Variants in STAT3 observed in about 807,000 individuals in gnomAD.
STAT3 encodes the protein DNA-binding protein APRF.
In STAT3, 7 loss-of-function variants were observed where a neutral mutation model predicts 114.3. That is an observed-to-expected ratio of 0.06 (90% CI 0.03 to 0.11). The LOEUF (loss-of-function observed/expected upper bound fraction) is 0.11. Among genes scored for constraint, STAT3 ranks in the 10% least tolerant of loss-of-function variants. The probability of loss-of-function intolerance (pLI) is 1.00; values close to 1 mark genes in which losing one functional copy is unlikely to be tolerated. For missense variants in STAT3, 364 were observed against 960.9 expected, an observed-to-expected ratio of 0.38 and a Z score of 8.21; for synonymous variants, 331 against 354.5, an observed-to-expected ratio of 0.93 and a Z score of 0.74.
At chr17:42,316,119 C>A (rs2081238611) in intron 23 of STAT3, 2 of 1,300,560 alleles carry the variant, frequency 1.5e-6, no homozygotes, top group South Asian at 3.5e-5. Context: ...GGCCACCAAG[C>A]ATTTGAGATT....
intron 18 of STAT3, 60 bp downstream of exon 18, chr17:42,323,513 C>T: frequency 1.3e-6 from 2 of 1,598,088 alleles, no homozygotes; most frequent in East Asian, 2.2e-5. Context: ...CCAGAGCCCT[C>T]AACGACAGCC....
chr17:42,376,545 C>CAAA (rs766215172), intron 1 of STAT3, among the ~76,000 whole-genome samples: 1 of 69,136 alleles, frequency 1.4e-5, no homozygotes, highest in South Asian at 4.9e-4. Flanking sequence ...GACTCCATCT[C>CAAA]AAAAAAAAAA....
intron 10 of STAT3, among the ~76,000 whole-genome samples, chr17:42,332,911 G>A (rs1247073066): frequency 6.6e-6 from 1 of 152,078 alleles, no homozygotes; most frequent in African/African-American, 2.4e-5. Flanking sequence ...TGAGGCACAA[G>A]AATCACTTGA....
At chr17:42,371,537 G>A (rs188926829) in intron 1 of STAT3, among the ~76,000 whole-genome samples, 492 of 151,260 alleles carry the variant, frequency 3.3e-3, no homozygotes, top group African/African-American at 0.011. Flanking sequence ...TTAGCCAGGC[G>A]TAGTGGCGGG....
intron 18 of STAT3, 31 bp from the exon 19 acceptor site, chr17:42,323,385 C>G (rs375626910): frequency 5.0e-6 from 8 of 1,610,570 alleles, no homozygotes; most frequent in Non-Finnish European, 6.8e-6. Context: ...AAAGCCAAGT[C>G]TACTGCCATC....
In STAT3 at chr17:42,327,033, C is replaced by T. The variant is rs116567862; in HGVS notation, c.1282-834G>A. 8.9e-3 allele frequency among the ~76,000 whole-genome samples: 1,349 copies of T among 152,264 alleles called. 23 individuals carry two copies. Among genetic ancestry groups the T allele is most frequent in the African/African-American group, 0.031 (1,302 of 41,536 alleles). ...CAAGAACTTCCAATGCTGTGATCCT[C>T]AACCTAATCCTTTACTCAGTTTGTA... On this transcript the variant is annotated intron_variant, in intron 14 of 23. Transcript: ENST00000264657.
rs1598391668 is a variant in STAT3, at chr17:42,322,160, C to T, written c.2101+122G>A. The T allele has an allele frequency of 5.3e-6, 5 of 945,266 alleles. No homozygotes were observed. In the East Asian group the frequency reaches 1.3e-4, roughly 24 times the overall value. 58.6% of individuals were successfully genotyped at this position (945,266 alleles called of 1,614,324 possible). A position where few individuals can be genotyped will look rare whatever the true frequency, so the allele number is the denominator to read the frequency against. On this transcript the variant is annotated intron_variant, in intron 21 of 23. Transcript: ENST00000264657. ...ACAAAAGCACTCACTACAATTCTTT[C>T]CCATAAGGAGAAATAATTATCCCCC...
intron 1 of STAT3, among the ~76,000 whole-genome samples, chr17:42,350,179 A>AACAC (rs1385660232): frequency 6.6e-6 from 1 of 152,212 alleles, no homozygotes; most frequent in African/African-American, 2.4e-5. Context: ...TGAGAGACTG[A>AACAC]ACACACGCAA....
chr17:42,369,562 T>A (rs994165869), intron 1 of STAT3, among the ~76,000 whole-genome samples: 1 of 152,320 alleles, frequency 6.6e-6, no homozygotes, highest in East Asian at 1.9e-4. Context: ...TGCTTTTCAA[T>A]GCTTTACCCT....
intron 1 of STAT3, among the ~76,000 whole-genome samples, chr17:42,377,344 G>A (rs992898921): frequency 3.9e-5 from 6 of 152,160 alleles, no homozygotes; most frequent in East Asian, 1.9e-4. Flanking sequence ...ACAGCCTCCC[G>A]AGTAGCTGGG....
intron 4 of STAT3, among the ~76,000 whole-genome samples, chr17:42,342,587 C>T (rs185386256): frequency 6.6e-6 from 1 of 152,012 alleles, no homozygotes; most frequent in African/African-American, 2.4e-5. Flanking sequence ...AATTATTTTG[C>T]ATTTATGTGT....
chr17:42,320,550 C>T (rs771119431), intron 21 of STAT3, among the ~76,000 whole-genome samples: 1 of 151,678 alleles, frequency 6.6e-6, no homozygotes, highest in Non-Finnish European at 1.5e-5. Context: ...GCCAACATGG[C>T]GAAACCCTTT....
intron 1 of STAT3, among the ~76,000 whole-genome samples, chr17:42,368,760 A>G (rs1319692348): frequency 1.4e-5 from 2 of 143,054 alleles, no homozygotes; most frequent in African/African-American, 5.2e-5. Context: ...CTTTTATTTT[A>G]GGTTTGGGGT....
intron 11 of STAT3, among the ~76,000 whole-genome samples, chr17:42,330,843 GA>G (rs1311284135): frequency 2.0e-5 from 3 of 152,166 alleles, no homozygotes; most frequent in East Asian, 3.8e-4. Flanking sequence ...TTAAAAAAAA[GA>G]GATCTATTCT....
chr17:42,317,266 G>A (rs773161256), intron 21 of STAT3, 42 bp from the exon 22 acceptor site: 19 of 1,605,188 alleles, frequency 1.2e-5, no homozygotes, highest in South Asian at 8.9e-5. Flanking sequence ...CTGTGACTTC[G>A]CATTCAGTAA....
chr17:42,328,840 T>C (rs1225851801), intron 14 of STAT3, among the ~76,000 whole-genome samples: 3 of 152,220 alleles, frequency 2.0e-5, no homozygotes, highest in African/African-American at 4.8e-5. Context: ...TTAAAGTTTA[T>C]TCTTGACAAT....
At chr17:42,332,782 G>T (rs2082077741) in intron 10 of STAT3, among the ~76,000 whole-genome samples, 1 of 152,020 alleles carries the variant, frequency 6.6e-6, no homozygotes, top group South Asian at 2.1e-4. Flanking sequence ...GGAGGTTGCA[G>T]TGAGTTGAGA....
intron 1 of STAT3, among the ~76,000 whole-genome samples, chr17:42,363,587 G>A (rs1278082993): frequency 1.3e-5 from 2 of 151,086 alleles, no homozygotes; most frequent in Admixed American, 6.6e-5. Flanking sequence ...GGGATTACAG[G>A]CACATGCCAC....
At chr17:42,359,599 G>A (rs1326871257) in intron 1 of STAT3, among the ~76,000 whole-genome samples, 1 of 152,120 alleles carries the variant, frequency 6.6e-6, no homozygotes. Flanking sequence ...AAGAGCAGTC[G>A]AAATAAGTAA....
Sources: allele counts gnomAD v4.1 joint callset (sites outside exome capture counted in the v4.1 genomes callset), GRCh38; gene constraint gnomAD v4.1.1; transcripts MANE v1.5; gene names NCBI Gene and HGNC (gene_info 2026-07-23, HGNC 2026-07-21).